Variants in ACER1 observed in about 807,000 individuals in gnomAD.
ACER1 encodes the protein alkaline ceramidase 1.
In ACER1, 28 loss-of-function variants were observed where a neutral mutation model predicts 24.9. That is an observed-to-expected ratio of 1.13 (90% CI 0.83 to 1.54). The LOEUF (loss-of-function observed/expected upper bound fraction) is 1.54, where lower values mean the gene tolerates loss of function less well. ACER1 is among the 40% of genes most tolerant of loss of function. The pLI, the probability that ACER1 is intolerant of heterozygous loss-of-function variation, is 0.00. For missense variants in ACER1, 352 were observed against 349.3 expected (o/e 1.01, Z -0.06); for synonymous variants, 132 against 131.4 (o/e 1.00, Z -0.03).
chr19:6,331,876 T>C (rs945333011), intron 1 of ACER1, among the ~76,000 whole-genome samples: 1 of 152,168 alleles, frequency 6.6e-6, no homozygotes, highest in Non-Finnish European at 1.5e-5. Context: ...AACACCTCTG[T>C]GTTCCCAGCA....
intron 1 of ACER1, among the ~76,000 whole-genome samples, chr19:6,327,430 T>A (rs1459213173): frequency 6.6e-6 from 1 of 151,846 alleles, no homozygotes; most frequent in Non-Finnish European, 1.5e-5. Context: ...CCAGGGGTGG[T>A]GACGGGCGTC....
At chr19:6,333,436 C>T (rs1210031903) in intron 1 of ACER1, 23 bp downstream of exon 1, 2 of 1,548,816 alleles carry the variant, frequency 1.3e-6, no homozygotes, top group Admixed American at 1.9e-5. Context: ...TGGCGAGACT[C>T]CTTCACACAC....
chr19:6,345,716 G>A, the ACER1 span, among the ~76,000 whole-genome samples: 5 of 151,124 alleles, frequency 3.3e-5, no homozygotes, highest in East Asian at 5.9e-4. Flanking sequence ...AGGCGCGCAC[G>A]ACCATGCCCA....
chr19:6,314,872 T>TTTCA (rs772904476), intron 1 of ACER1, among the ~76,000 whole-genome samples: 2 of 150,106 alleles, frequency 1.3e-5, no homozygotes, highest in Non-Finnish European at 3.0e-5. Flanking sequence ...CACAATGGAA[T>TTTCA]TTTATTTATT....
chr19:6,326,195 G>C lies in ACER1; in HGVS notation c.93+7264C>G, dbSNP rs555464877. 2.7e-5 allele frequency among the ~76,000 whole-genome samples: 4 copies of C among 146,508 alleles called. No individual in the cohort carries two copies. In the South Asian group the frequency reaches 6.5e-4, roughly 24 times the overall value. On this transcript the variant is annotated intron_variant, in intron 1 of 5. Transcript: ENST00000301452. The stretch of plus-strand genomic sequence containing the variant: ...GGCTGGAGTGCAGTGGCACCATCTC[G>C]GCTCACTGCAAGCTCCGCCTCCTGG...
chr19:6,346,480 C>CCTT, the ACER1 span, among the ~76,000 whole-genome samples: 1 of 151,276 alleles, frequency 6.6e-6, no homozygotes, highest in African/African-American at 2.4e-5. Flanking sequence ...TCTTCCTCCT[C>CCTT]CTTCTTCTTC....
intron 1 of ACER1, among the ~76,000 whole-genome samples, chr19:6,315,951 A>C (rs2091601506): frequency 6.6e-6 from 1 of 152,128 alleles, no homozygotes; most frequent in South Asian, 2.1e-4. Flanking sequence ...AACATGGTGA[A>C]ACCCCATCTC....
chr19:6,351,803 TC>T, the ACER1 span, among the ~76,000 whole-genome samples: 4 of 151,966 alleles, frequency 2.6e-5, no homozygotes, highest in East Asian at 3.9e-4. Flanking sequence ...ATGCCTGTAA[TC>T]CCAGCACTTT....
At chr19:6,339,248 G>A in the ACER1 span, among the ~76,000 whole-genome samples, 1 of 152,180 alleles carries the variant, frequency 6.6e-6, no homozygotes, top group Non-Finnish European at 1.5e-5. Flanking sequence ...CACAATGTGT[G>A]TGGTTCATCC....
the ACER1 span, among the ~76,000 whole-genome samples, chr19:6,347,109 A>AAAAAAAAATATATATATATAT: frequency 8.3e-4 from 94 of 113,732 alleles, 1 homozygote; most frequent in African/African-American, 4.6e-3. Context: ...AAAAAAAAAA[A>AAAAAAAAATATATATATATAT]ATATATATAT....
chr19:6,335,146 TATA>T (rs562376832), upstream of ACER1, among the ~76,000 whole-genome samples: 7,154 of 145,998 alleles, frequency 0.049, 284 homozygotes, highest in African/African-American at 0.1. Context: ...TATAATTTAA[TATA>T]ATAATTAATA....
upstream of ACER1, among the ~76,000 whole-genome samples, chr19:6,338,290 G>A (rs1170934584): frequency 1.3e-5 from 2 of 151,760 alleles, no homozygotes; most frequent in Non-Finnish European, 2.9e-5. Context: ...CTGTGCCCTG[G>A]CCAAAATAAA....
the ACER1 span, chr19:6,353,413 T>C: frequency 2.0e-5 from 3 of 152,244 alleles, no homozygotes; most frequent in East Asian, 1.9e-4. Context: ...GGTAAGAGGG[T>C]TGCTTGACTC....
chr19:6,351,973 G>A, the ACER1 span, among the ~76,000 whole-genome samples: 117 of 150,400 alleles, frequency 7.8e-4, 1 homozygote, highest in African/African-American at 2.8e-3. Context: ...GGAGAATGGC[G>A]TGAACCTGGG....
chr19:6,325,284 C>T (rs1282984314), intron 1 of ACER1, among the ~76,000 whole-genome samples: 1 of 152,224 alleles, frequency 6.6e-6, no homozygotes, highest in Non-Finnish European at 1.5e-5. Context: ...CAGTCTCTCC[C>T]CCATCGACTG....
the ACER1 span, among the ~76,000 whole-genome samples, chr19:6,338,731 G>C: frequency 6.6e-6 from 1 of 152,042 alleles, no homozygotes; most frequent in Admixed American, 6.6e-5. Context: ...GGGACTACAG[G>C]CCAGGCAAAT....
rs924053812 is a variant in ACER1 at position 6,312,539 on chromosome 19, G to C, written c.94-40C>G. 6 of 1,547,874 alleles carry C rather than the reference G, an allele frequency of 3.9e-6. No homozygotes were observed. In the Admixed American group the frequency reaches 1.0e-4, roughly 26 times the overall value. ...GCCATAGGGAGGAGCTCGTCAGATA[G>C]GGGAGACGGAGGAGGCTGCCCTCTG... On this transcript the variant is annotated intron_variant, in intron 1 of 5. Coordinates refer to ENST00000301452, the MANE Select transcript of ACER1 (RefSeq NM_133492.3).
At chr19:6,315,824 A>C (rs77101163) in intron 1 of ACER1, among the ~76,000 whole-genome samples, 9,871 of 152,198 alleles carry the variant, frequency 0.065, 367 homozygotes, top group East Asian at 0.12. Flanking sequence ...CTGGAATACT[A>C]TTTAGCCATT....
intron 1 of ACER1, among the ~76,000 whole-genome samples, chr19:6,321,147 T>C (rs1327442236): frequency 6.6e-6 from 1 of 152,064 alleles, no homozygotes; most frequent in East Asian, 1.9e-4. Context: ...TTTCTTTTTT[T>C]TTTTTTGAGA....
Sources: allele counts gnomAD v4.1 joint callset (sites outside exome capture counted in the v4.1 genomes callset), GRCh38; gene constraint gnomAD v4.1.1; transcripts MANE v1.5; gene names NCBI Gene and HGNC (gene_info 2026-07-23, HGNC 2026-07-21).